The following FNBP1L variants were observed in gnomAD, a reference collection of about 807,000 sequenced individuals.
FNBP1L encodes the protein formin-binding protein 1-like.
Under a neutral mutation model 91.2 loss-of-function variants are expected in FNBP1L, and 36 were observed. The ratio of observed to expected loss-of-function variants is 0.39; its 90% CI spans 0.30 to 0.52. The LOEUF (loss-of-function observed/expected upper bound fraction) is 0.52, where lower values mean the gene tolerates loss of function less well. FNBP1L is among the 20% of genes least tolerant of loss of function. FNBP1L has a pLI of 0.66. For missense variants in FNBP1L, 571 were observed against 732.1 expected (o/e 0.78, Z 2.54); for synonymous variants, 242 against 237.0 (o/e 1.02, Z -0.19).
chr1:93,551,033 C>T lies in FNBP1L; in HGVS notation c.1738C>T (p.Arg580Trp), dbSNP rs766179132. The T allele has an allele frequency of 3.5e-5, 56 of 1,612,436 alleles. No homozygotes were observed. Among genetic ancestry groups the T allele is most frequent in the Non-Finnish European group, 4.3e-5 (51 of 1,179,170 alleles). The change falls in exon 16 of 17, where the codon CGG becomes TGG. Residue 580 changes from arginine (R) to tryptophan (W), a missense_variant. Physicochemically the swap from Arg to Trp is moderately radical, Grantham distance 101. This residue lies in a region of FNBP1L where 189 missense variants were observed against 219.7 expected (regional missense o/e 0.86). Coordinates refer to ENST00000271234, the MANE Select transcript of FNBP1L (RefSeq NM_001164473.3). ...EDKGDGWTRA[R>W]RQNGEEGYVP... ...CAAAGGTGACGGATGGACAAGAGCTCGGAGACAGAACGGTGAAGAAGGCTA... is the reference window on the plus strand; with the variant it reads ...CAAAGGTGACGGATGGACAAGAGCTTGGAGACAGAACGGTGAAGAAGGCTA...
At chr1:93,483,516 A>G (rs561805130) in intron 1 of FNBP1L, among the ~76,000 whole-genome samples, 3 of 152,310 alleles carry the variant, frequency 2.0e-5, no homozygotes, top group East Asian at 3.9e-4. Context: ...TTATGCATCT[A>G]TCTATTATAT....
chr1:93,457,823 ACT>A (rs1379351315), intron 1 of FNBP1L, among the ~76,000 whole-genome samples: 2 of 150,934 alleles, frequency 1.3e-5, no homozygotes, highest in Non-Finnish European at 2.9e-5. Context: ...ATGGAGTCAC[ACT>A]CTGTTGCTCA....
At chr1:93,479,953 A>T (rs1390356681) in intron 1 of FNBP1L, among the ~76,000 whole-genome samples, 2 of 152,194 alleles carry the variant, frequency 1.3e-5, no homozygotes, top group African/African-American at 4.8e-5. Flanking sequence ...AAGAAATTAT[A>T]AGAGTATTAT....
chr1:93,535,726 A>G (rs926538908), intron 9 of FNBP1L, among the ~76,000 whole-genome samples: 2 of 152,006 alleles, frequency 1.3e-5, no homozygotes, highest in African/African-American at 4.8e-5. Flanking sequence ...TATGCTTTTA[A>G]TCATATTGTC....
At chr1:93,455,406 C>G (rs560175067) in intron 1 of FNBP1L, among the ~76,000 whole-genome samples, 2 of 152,184 alleles carry the variant, frequency 1.3e-5, no homozygotes, top group African/African-American at 2.4e-5. Context: ...TCAGTCTGGT[C>G]GTGAACTCCT....
intron 9 of FNBP1L, 70 bp downstream of exon 9, chr1:93,534,978 T>A: frequency 8.2e-7 from 1 of 1,226,720 alleles, no homozygotes; most frequent in East Asian, 2.6e-5. Context: ...GGGTATTGAA[T>A]GCAAAATGAT....
At chr1:93,539,726 C>G (rs1223240323) in intron 10 of FNBP1L, among the ~76,000 whole-genome samples, 2 of 151,952 alleles carry the variant, frequency 1.3e-5, no homozygotes, top group African/African-American at 4.8e-5. Flanking sequence ...TTTCTTCAAA[C>G]CTTTCTATTT....
chr1:93,478,131 T>A (rs770580043), intron 1 of FNBP1L, among the ~76,000 whole-genome samples: 7 of 152,214 alleles, frequency 4.6e-5, no homozygotes, highest in Admixed American at 1.3e-4. Context: ...AATCAGAATT[T>A]AAAGTGAATA....
chr1:93,477,662 T>C (rs889807847), intron 1 of FNBP1L, among the ~76,000 whole-genome samples: 1 of 152,128 alleles, frequency 6.6e-6, no homozygotes, highest in Admixed American at 6.6e-5. Context: ...TATAAATGAA[T>C]TAAAAGGAAG....
intron 6 of FNBP1L, 40 bp downstream of exon 6, chr1:93,529,796 AT>A (rs1557812412): frequency 1.7e-6 from 2 of 1,197,544 alleles, no homozygotes; most frequent in Non-Finnish European, 2.3e-6. Flanking sequence ...TCAAAATATT[AT>A]TATTTGCATA....
At chr1:93,548,428 C>T (rs1672308325) in intron 14 of FNBP1L, among the ~76,000 whole-genome samples, 1 of 152,128 alleles carries the variant, frequency 6.6e-6, no homozygotes, top group South Asian at 2.1e-4. Flanking sequence ...GTTTGTATTA[C>T]CTGCTTTTTT....
chr1:93,455,817 T>C (rs1204194901), intron 1 of FNBP1L, among the ~76,000 whole-genome samples: 1 of 152,278 alleles, frequency 6.6e-6, no homozygotes, highest in Non-Finnish European at 1.5e-5. Flanking sequence ...CTGTTAGTGT[T>C]ACAGATAATT....
chr1:93,549,191 A>G (rs1672328386), intron 14 of FNBP1L, 87 bp from the exon 15 acceptor site: 2 of 1,035,940 alleles, frequency 1.9e-6, no homozygotes, highest in Non-Finnish European at 2.6e-6. Flanking sequence ...AATTTTTGGA[A>G]TTGATCCTGA....
At chr1:93,550,131 G>A (rs938168621) in intron 15 of FNBP1L, among the ~76,000 whole-genome samples, 7 of 152,120 alleles carry the variant, frequency 4.6e-5, no homozygotes, top group African/African-American at 1.4e-4. Context: ...TCCCCACTTC[G>A]TGTTGGTTTA....
chr1:93,547,904 A>G (rs1323499027), intron 14 of FNBP1L, among the ~76,000 whole-genome samples: 1 of 152,190 alleles, frequency 6.6e-6, no homozygotes, highest in Non-Finnish European at 1.5e-5. Flanking sequence ...GATGTATTAT[A>G]TCTTTTTTTC....
chr1:93,472,947 A>G (rs1669353423), intron 1 of FNBP1L, among the ~76,000 whole-genome samples: 1 of 148,540 alleles, frequency 6.7e-6, no homozygotes, highest in African/African-American at 2.5e-5. Context: ...ATTACTCTTT[A>G]GCTTTTTTAT....
intron 2 of FNBP1L, among the ~76,000 whole-genome samples, chr1:93,520,248 G>T (rs1671278653): frequency 6.6e-6 from 1 of 152,160 alleles, no homozygotes; most frequent in South Asian, 2.1e-4. Context: ...TTTGTAGAAT[G>T]AATAAATTGA....
intron 11 of FNBP1L, chr1:93,543,735 T>C (rs1040103046): frequency 6.4e-6 from 1 of 155,620 alleles, no homozygotes; most frequent in African/African-American, 2.4e-5. Context: ...TAGACAAGAA[T>C]GTTACGTGTT....
rs1432593401 is a variant in FNBP1L, at chr1:93,554,384, AAGC to A, written c.*1971_*1973del. 1 of 152,662 alleles carries A rather than the reference AAGC, an allele frequency of 6.6e-6. No individual in the cohort carries two copies. Among genetic ancestry groups the A allele is most frequent in the African/African-American group, 2.4e-5 (1 of 41,450 alleles). 9.5% of individuals were successfully genotyped at this position (152,662 alleles called of 1,614,324 possible). On this transcript the variant is annotated 3_prime_UTR_variant, in exon 17 of 17. Coordinates refer to ENST00000271234, the MANE Select transcript of FNBP1L (RefSeq NM_001164473.3). Reference sequence around the variant, plus strand: ...TTCAAGCTACTGTTTGTTTTTCTAAAAGCAGGATTTGCTTCCGTAGGAGGCAAG... The same window carrying A: ...TTCAAGCTACTGTTTGTTTTTCTAAAAGGATTTGCTTCCGTAGGAGGCAAG...
Sources: gnomAD v4.1 joint callset for allele counts (sites outside exome capture counted in the v4.1 genomes callset) on GRCh38, gnomAD v4.1.1 for gene constraint, gnomAD v4.1.1 regional missense constraint, MANE v1.5 for transcripts, NCBI Gene and HGNC (gene_info 2026-07-23, HGNC 2026-07-21) for gene names.